The following DIP2B variants were observed in gnomAD, a reference collection of about 807,000 sequenced individuals.
DIP2B encodes the protein DIP2 acetate--CoA ligase B (putative).
A neutral mutation model predicts 198.0 loss-of-function variants in DIP2B; 76 were observed. The ratio of observed to expected loss-of-function variants is 0.38; its 90% CI spans 0.32 to 0.46. The LOEUF (loss-of-function observed/expected upper bound fraction) is 0.46. Among genes scored for constraint, DIP2B ranks in the 20% least tolerant of loss-of-function variants. The pLI is 0.99. For missense variants in DIP2B, 1,559 were observed against 1,978.4 expected, an observed-to-expected ratio of 0.79 and a Z score of 4.02; for synonymous variants, 701 against 739.1, an observed-to-expected ratio of 0.95 and a Z score of 0.84.
chr12:50,546,223 C>T (rs529203601), intron 1 of DIP2B, among the ~76,000 whole-genome samples: 2 of 152,284 alleles, frequency 1.3e-5, no homozygotes, highest in South Asian at 4.1e-4. Flanking sequence ...TCAGAAATAT[C>T]GTTAACTAGT....
intron 26 of DIP2B, among the ~76,000 whole-genome samples, chr12:50,722,206 C>T (rs1256655731): frequency 3.3e-5 from 5 of 151,532 alleles, no homozygotes; most frequent in Admixed American, 6.6e-5. Context: ...GCCTGTTATC[C>T]CCCCACACTT....
chr12:50,635,620 G>A (rs1397198171), intron 2 of DIP2B, among the ~76,000 whole-genome samples: 1 of 152,160 alleles, frequency 6.6e-6, no homozygotes, highest in Non-Finnish European at 1.5e-5. Flanking sequence ...CTTTGAAGTT[G>A]TTCAAGGGTG....
intron 25 of DIP2B, among the ~76,000 whole-genome samples, chr12:50,721,015 C>T (rs1216497059): frequency 1.3e-5 from 2 of 151,956 alleles, no homozygotes; most frequent in African/African-American, 4.8e-5. Context: ...TGCTGTGTTG[C>T]CCAGGCTTGT....
chr12:50,565,715 A>G (rs1958558071), intron 1 of DIP2B, among the ~76,000 whole-genome samples: 1 of 152,202 alleles, frequency 6.6e-6, no homozygotes, highest in African/African-American at 2.4e-5. Flanking sequence ...TTAAAAAGGC[A>G]TCATTTCACC....
chr12:50,600,724 A>C (rs1428925681), intron 1 of DIP2B, among the ~76,000 whole-genome samples: 2 of 152,190 alleles, frequency 1.3e-5, no homozygotes, highest in East Asian at 3.8e-4. Flanking sequence ...GAGTGGGAGA[A>C]GTCTGATATT....
At chr12:50,590,516 C>T (rs1459339209) in intron 1 of DIP2B, among the ~76,000 whole-genome samples, 7 of 152,038 alleles carry the variant, frequency 4.6e-5, no homozygotes, top group Non-Finnish European at 4.4e-5. Flanking sequence ...ATTACAGGCA[C>T]GCACCACCAT....
chr12:50,733,958 T>G (rs938274391), intron 32 of DIP2B, among the ~76,000 whole-genome samples, 177 bp from the exon 33 acceptor site: 1 of 152,188 alleles, frequency 6.6e-6, no homozygotes, highest in Non-Finnish European at 1.5e-5. Context: ...ATGGAAATGT[T>G]TCAGTGCTGC....
chr12:50,741,487 C>G lies in DIP2B; in HGVS notation c.4426C>G (p.Pro1476Ala), dbSNP rs745865500. 1.9e-6 allele frequency: 3 copies of G among 1,614,024 alleles called. No individual in the cohort carries two copies. The highest frequency in any genetic ancestry group is 1.6e-4 in the Middle Eastern group (1 of 6,084). ...GGAGCTGAGAGGATTACGATACCACCCAATTGATATTGAGACCTCGGTGTC... is the reference window on the plus strand; with the variant it reads ...GGAGCTGAGAGGATTACGATACCACGCAATTGATATTGAGACCTCGGTGTC... ...TLELRGLRYH[P>A]IDIETSVSRI... The change falls in exon 37 of 38, where the codon CCA (proline) becomes GCA (alanine). Residue 1476 changes from proline (P) to alanine (A), a missense_variant. Transcript: ENST00000301180.
In DIP2B at chr12:50,697,278, G is replaced by A. The variant is rs961073141; in HGVS notation, c.2048+103G>A. The stretch of plus-strand genomic sequence containing the variant: ...CAACGGATGTTAACTAATTTTCTAA[G>A]CAGTTTCAAGCATCTCATTTTTCCC... On this transcript the variant is annotated intron_variant, in intron 17 of 37. Coordinates refer to ENST00000301180, the MANE Select transcript of DIP2B (RefSeq NM_173602.3). 7 of 965,914 alleles carry A rather than the reference G, an allele frequency of 7.2e-6. No homozygotes were observed. In the African/African-American group the frequency reaches 1.2e-4, roughly 16 times the overall value. 59.8% of individuals were successfully genotyped at this position (965,914 alleles called of 1,614,324 possible).
chr12:50,568,058 C>G (rs183126196), intron 1 of DIP2B, among the ~76,000 whole-genome samples: 1 of 152,152 alleles, frequency 6.6e-6, no homozygotes, highest in East Asian at 1.9e-4. Flanking sequence ...TGGTTAAGTT[C>G]AGATCTCGAG....
At chr12:50,551,672 G>A (rs1370137254) in intron 1 of DIP2B, among the ~76,000 whole-genome samples, 1 of 152,148 alleles carries the variant, frequency 6.6e-6, no homozygotes, top group Non-Finnish European at 1.5e-5. Flanking sequence ...TTGAACTCCT[G>A]AGCTCACGTG....
chr12:50,713,802 G>GAT (rs1939661833), intron 22 of DIP2B, among the ~76,000 whole-genome samples: 1 of 26,672 alleles, frequency 3.7e-5, no homozygotes. Flanking sequence ...GGCTGGGCAT[G>GAT]GTATGACAGT....
chr12:50,599,009 G>T (rs1388173540), intron 1 of DIP2B, among the ~76,000 whole-genome samples: 2 of 138,206 alleles, frequency 1.4e-5, no homozygotes, highest in Non-Finnish European at 3.1e-5. Context: ...AAAACTCTTG[G>T]CTGGGCACAG....
chr12:50,600,897 C>CCAG (rs1958929156), intron 1 of DIP2B, among the ~76,000 whole-genome samples: 2 of 74,108 alleles, frequency 2.7e-5, no homozygotes, highest in Non-Finnish European at 4.5e-5. Context: ...ACCACCATCA[C>CCAG]CACCACCACC....
At chr12:50,523,920 G>A (rs1358767270) in intron 1 of DIP2B, among the ~76,000 whole-genome samples, 2 of 152,110 alleles carry the variant, frequency 1.3e-5, no homozygotes, top group African/African-American at 4.8e-5. Flanking sequence ...GAGTACACTG[G>A]AGCTAGAAAG....
rs116319680 is a variant in DIP2B, at chr12:50,564,317, G to A, written c.100+59077G>A. 8.7e-3 allele frequency among the ~76,000 whole-genome samples: 1,317 copies of A among 152,242 alleles called. 26 individuals are homozygous for A. The highest frequency in any genetic ancestry group is 0.03 in the African/African-American group (1,236 of 41,512). Reference sequence around the variant, plus strand: ...TCAACTTCCCACTGCTGCAGACGATGGGATGAACATTGTTGTGCTTGTTCT... The same window carrying A: ...TCAACTTCCCACTGCTGCAGACGATAGGATGAACATTGTTGTGCTTGTTCT... On this transcript the variant is annotated intron_variant, in intron 1 of 37. Transcript: ENST00000301180.
chr12:50,545,347 C>CT (rs1432784631), intron 1 of DIP2B, among the ~76,000 whole-genome samples: 18 of 145,856 alleles, frequency 1.2e-4, no homozygotes, highest in Admixed American at 5.5e-4. Flanking sequence ...TCCCTCCCTC[C>CT]TTCTTTCTTT....
chr12:50,585,796 GAC>G (rs967234854), intron 1 of DIP2B, among the ~76,000 whole-genome samples: 17 of 152,232 alleles, frequency 1.1e-4, no homozygotes, highest in Non-Finnish European at 2.4e-4. Context: ...GTCAAGAGAA[GAC>G]ACAGAGAGAC....
intron 2 of DIP2B, chr12:50,633,174 A>G (rs1938093969): frequency 6.6e-6 from 1 of 152,212 alleles, no homozygotes; most frequent in African/African-American, 2.4e-5. Flanking sequence ...AATGTTACAT[A>G]AATCTTTAAA....
Sources: allele counts gnomAD v4.1 joint callset (sites outside exome capture counted in the v4.1 genomes callset), GRCh38; gene constraint gnomAD v4.1.1; transcripts MANE v1.5; gene names NCBI Gene and HGNC (gene_info 2026-07-23, HGNC 2026-07-21).